The following CNKSR2 variants were observed in gnomAD, a reference collection of about 807,000 sequenced individuals.
CNKSR2 encodes the protein connector enhancer of kinase suppressor of Ras 2, also known as CNK homolog protein 2.
A neutral mutation model predicts 84.4 loss-of-function variants in CNKSR2; 14 were observed. That is an observed-to-expected ratio of 0.17 (90% CI 0.11 to 0.26). The LOEUF (loss-of-function observed/expected upper bound fraction) is 0.26. Ranked by LOEUF, CNKSR2 falls within the 10% of genes least tolerant of loss-of-function variation. The pLI is 1.00. For missense variants in CNKSR2, 485 were observed against 771.2 expected, an observed-to-expected ratio of 0.63 and a Z score of 4.40; for synonymous variants, 275 against 277.9, an observed-to-expected ratio of 0.99 and a Z score of 0.10.
chrX:21,400,384 C>G (rs980734557), intron 1 of CNKSR2, among the ~76,000 whole-genome samples: 1 of 110,937 alleles, frequency 9.0e-6, no homozygotes, highest in African/African-American at 3.3e-5. Flanking sequence ...AAAAGTCATA[C>G]TTCTGAAATG....
At chrX:21,466,428 C>G (rs1235383364) in intron 4 of CNKSR2, among the ~76,000 whole-genome samples, 1 of 111,015 alleles carries the variant, frequency 9.0e-6, no homozygotes, top group Admixed American at 9.6e-5. Context: ...AATAAATAAA[C>G]CCCCCCAAAG....
intron 11 of CNKSR2, among the ~76,000 whole-genome samples, chrX:21,550,298 G>A (rs932506305): frequency 1.5e-4 from 17 of 111,918 alleles, no homozygotes; most frequent in Admixed American, 6.6e-4. Context: ...TTATGTGGCC[G>A]ACAAACATAT....
chrX:21,600,740 T>C (rs1227890097), intron 17 of CNKSR2, among the ~76,000 whole-genome samples: 3 of 112,516 alleles, frequency 2.7e-5, no homozygotes, highest in African/African-American at 9.7e-5. Flanking sequence ...ATTGTGTCTT[T>C]GGAAAACCCC....
chrX:21,409,257 T>C (rs2090309105), intron 1 of CNKSR2, among the ~76,000 whole-genome samples: 1 of 85,168 alleles, frequency 1.2e-5, no homozygotes, highest in African/African-American at 4.2e-5. Context: ...TATATATATA[T>C]ATATATATAT....
intron 1 of CNKSR2, among the ~76,000 whole-genome samples, chrX:21,419,990 T>TC (rs998620698): frequency 4.4e-5 from 5 of 112,430 alleles, no homozygotes; most frequent in African/African-American, 1.6e-4. Context: ...GGCAGCAATT[T>TC]CCCCCAGGCC....
At chrX:21,641,599 A>G in intron 20 of CNKSR2, 1 of 1,168,712 alleles carries the variant, frequency 8.6e-7, no homozygotes. Flanking sequence ...GTTGGCACTC[A>G]ACCCATTGGA....
At chrX:21,604,480 T>A (rs932034756) in intron 18 of CNKSR2, among the ~76,000 whole-genome samples, 18 of 111,309 alleles carry the variant, frequency 1.6e-4, no homozygotes, top group Non-Finnish European at 3.0e-4. Context: ...AATATATATA[T>A]AAAAAACAAG....
rs762935290 is a variant in CNKSR2 at position 21,471,974 on chromosome X, G to A, written c.561+1167G>A. Among the ~76,000 whole-genome samples the A allele has an allele frequency of 3.0e-4, 34 of 111,578 alleles. No homozygotes were observed. The Middle Eastern group carries it at 0.014, about 45-fold the overall frequency. On this transcript the variant is annotated intron_variant, in intron 5 of 21. Transcript: ENST00000379510. The stretch of plus-strand genomic sequence containing the variant: ...TATTCTCTCATTTAATCCTACTTTT[G>A]CAGATGGTGGAACTAAGGGTCACAA...
At chrX:21,376,178 A>G (rs1032902509) in intron 1 of CNKSR2, among the ~76,000 whole-genome samples, 5 of 112,502 alleles carry the variant, frequency 4.4e-5, no homozygotes, top group African/African-American at 1.6e-4. Context: ...GCTCCAGATA[A>G]TTTAGAACGA....
intron 2 of CNKSR2, chrX:21,427,683 T>A (rs2090583583): frequency 8.9e-6 from 1 of 112,523 alleles, no homozygotes; most frequent in African/African-American, 3.2e-5. Context: ...CATTTCTTTT[T>A]CAACAATTAC....
At chrX:21,455,927 A>G (rs904630297) in intron 4 of CNKSR2, among the ~76,000 whole-genome samples, 3 of 111,311 alleles carry the variant, frequency 2.7e-5, no homozygotes, top group African/African-American at 9.8e-5. Context: ...ACTCCTGTTT[A>G]TTCCTCCAGA....
At chrX:21,435,822 G>C (rs1473176333) in intron 3 of CNKSR2, among the ~76,000 whole-genome samples, 1 of 111,256 alleles carries the variant, frequency 9.0e-6, no homozygotes, top group African/African-American at 3.3e-5. Context: ...CATAGTAAAA[G>C]TTTTTTTCCT....
At chrX:21,483,796 A>G (rs1161997932) in intron 5 of CNKSR2, among the ~76,000 whole-genome samples, 2 of 109,799 alleles carry the variant, frequency 1.8e-5, no homozygotes, top group African/African-American at 6.6e-5. Flanking sequence ...TCTGTCAAGT[A>G]CTAAGATACT....
intron 9 of CNKSR2, among the ~76,000 whole-genome samples, chrX:21,522,774 A>G (rs188727971): frequency 5.9e-4 from 66 of 110,965 alleles, no homozygotes; most frequent in Non-Finnish European, 9.5e-4. Flanking sequence ...TTATTTTACA[A>G]TCACAATCTT....
At chrX:21,517,734 TAGGCCCA>T (rs2091742758) in intron 9 of CNKSR2, among the ~76,000 whole-genome samples, 1 of 110,717 alleles carries the variant, frequency 9.0e-6, no homozygotes. Flanking sequence ...TAAAAAAAAA[TAGGCCCA>T]TTGAACTGGA....
intron 5 of CNKSR2, among the ~76,000 whole-genome samples, chrX:21,473,490 CTT>C (rs1367028974): frequency 1.8e-4 from 20 of 108,749 alleles, no homozygotes; most frequent in Non-Finnish European, 5.7e-5. Flanking sequence ...GAAGAAATAA[CTT>C]TGAGTCTAAA....
intron 8 of CNKSR2, chrX:21,503,493 G>A: frequency 7.5e-6 from 2 of 266,156 alleles, no homozygotes; most frequent in Non-Finnish European, 1.3e-5. Flanking sequence ...GGTATATGTA[G>A]AAATTGAGAC....
chrX:21,630,238 T>C (rs191138775), intron 20 of CNKSR2, among the ~76,000 whole-genome samples: 19 of 112,440 alleles, frequency 1.7e-4, no homozygotes, highest in Non-Finnish European at 2.3e-4. Flanking sequence ...TTTTATTCTT[T>C]TCTCATATAG....
chrX:21,539,324 G>T (rs1339657149), intron 11 of CNKSR2, among the ~76,000 whole-genome samples: 1 of 110,859 alleles, frequency 9.0e-6, no homozygotes, highest in Non-Finnish European at 1.9e-5. Flanking sequence ...TTCATTCATT[G>T]AATTCTTCAG....
Sources: allele counts gnomAD v4.1 joint callset (sites outside exome capture counted in the v4.1 genomes callset), GRCh38; gene constraint gnomAD v4.1.1; transcripts MANE v1.5; gene names NCBI Gene and HGNC (gene_info 2026-07-23, HGNC 2026-07-21).